The following BLTP1 variants were observed in gnomAD, a reference collection of about 807,000 sequenced individuals.
BLTP1 encodes the protein fragile site-associated protein.
chr4:122,264,043 A>G, the BLTP1 span: 10 of 828,776 alleles, frequency 1.2e-5, no homozygotes, highest in African/African-American at 1.9e-5. Context: ...TAAGGATGAC[A>G]TGTGTTCTGA....
At chr4:122,343,458 G>T in the BLTP1 span, 1 of 1,614,008 alleles carries the variant, frequency 6.2e-7, no homozygotes, top group Non-Finnish European at 8.5e-7. Context: ...CATAGTAGTA[G>T]TCAGTCAGAC....
chr4:122,209,212 T>C, the BLTP1 span: 1 of 1,613,436 alleles, frequency 6.2e-7, no homozygotes, highest in Non-Finnish European at 8.5e-7. Context: ...CTAGTAAATA[T>C]TCTTTATTTA....
At chr4:122,231,749 G>A in the BLTP1 span, 1 of 976,440 alleles carries the variant, frequency 1.0e-6, no homozygotes, top group Non-Finnish European at 1.2e-6. Flanking sequence ...ATTATTCTAG[G>A]TAAGGAGATA....
At chr4:122,203,433 A>G in the BLTP1 span, among the ~76,000 whole-genome samples, 2 of 151,852 alleles carry the variant, frequency 1.3e-5, no homozygotes, top group Non-Finnish European at 1.5e-5. Context: ...TCTAATACCA[A>G]TTGATTGATG....
At chr4:122,299,177 G>T in the BLTP1 span, 473 of 980,888 alleles carry the variant, frequency 4.8e-4, no homozygotes, top group Non-Finnish European at 5.5e-4. Flanking sequence ...AGGACCAAAT[G>T]CTGATAAGGG....
At chr4:122,247,348 G>C in the BLTP1 span, 1 of 1,613,152 alleles carries the variant, frequency 6.2e-7, no homozygotes, top group Middle Eastern at 1.7e-4. Context: ...TAGGGGTCTT[G>C]ATACAACAGG....
At chr4:122,201,495 A>T in the BLTP1 span, among the ~76,000 whole-genome samples, 1 of 152,194 alleles carries the variant, frequency 6.6e-6, no homozygotes, top group Non-Finnish European at 1.5e-5. Context: ...AATACACAAC[A>T]GTATACGCAA....
chr4:122,270,346 A>G, the BLTP1 span: 2 of 984,686 alleles, frequency 2.0e-6, no homozygotes, highest in Non-Finnish European at 2.4e-6. Context: ...AGGGAAAAAT[A>G]CCTTTTTACA....
chr4:122,353,741 C>T, the BLTP1 span: 22 of 1,503,138 alleles, frequency 1.5e-5, no homozygotes, highest in Non-Finnish European at 2.0e-5. The surrounding 1 kb of genome is among the most constrained non-coding windows in gnomAD (Gnocchi z 4.3). Flanking sequence ...ATTTATAGCT[C>T]TGAGGCCACA....
chr4:122,187,541 T>G, the BLTP1 span: 1 of 1,596,422 alleles, frequency 6.3e-7, no homozygotes, highest in East Asian at 2.2e-5. Flanking sequence ...AATTACTGTT[T>G]CATGGGGTAG....
chr4:122,218,518 T>C, the BLTP1 span, among the ~76,000 whole-genome samples: 1 of 152,192 alleles, frequency 6.6e-6, no homozygotes, highest in Non-Finnish European at 1.5e-5. Context: ...TATGTACTGA[T>C]GTCCATAACT....
chr4:122,361,335 C>T, the BLTP1 span, among the ~76,000 whole-genome samples: 21 of 151,958 alleles, frequency 1.4e-4, no homozygotes, highest in Non-Finnish European at 2.5e-4. Context: ...CGGGGAAGGG[C>T]GGGATGGGGG....
the BLTP1 span, chr4:122,307,446 C>T: frequency 1.0e-6 from 1 of 984,540 alleles, no homozygotes; most frequent in East Asian, 1.1e-4. Context: ...TTTAGAGGCC[C>T]CTCCATCTAT....
the BLTP1 span, chr4:122,292,980 T>C: frequency 1.4e-6 from 1 of 726,530 alleles, no homozygotes; most frequent in African/African-American, 1.9e-5. Flanking sequence ...TCTGATGTTT[T>C]TTACTTAGTC....
chr4:122,219,496 C>G, the BLTP1 span: 9 of 1,613,550 alleles, frequency 5.6e-6, no homozygotes, highest in Non-Finnish European at 6.8e-6. Context: ...GTCAATTCAT[C>G]CACTTGCCTT....
At chr4:122,187,522 T>G in the BLTP1 span, 1 of 1,608,310 alleles carries the variant, frequency 6.2e-7, no homozygotes, top group Admixed American at 1.7e-5. Context: ...AGTAAGTAAA[T>G]TCTGCTACAA....
the BLTP1 span, among the ~76,000 whole-genome samples, chr4:122,297,059 A>G: frequency 6.6e-6 from 1 of 152,212 alleles, no homozygotes; most frequent in Non-Finnish European, 1.5e-5. Flanking sequence ...CAAAAGCAAA[A>G]ATTGATAAAT....
chr4:122,239,994 G>A, the BLTP1 span: 1 of 1,614,152 alleles, frequency 6.2e-7, no homozygotes. Flanking sequence ...TCACAGTGTA[G>A]AAGGGCCACT....
the BLTP1 span, chr4:122,251,392 T>G: frequency 1.1e-5 from 10 of 897,010 alleles, no homozygotes; most frequent in Non-Finnish European, 1.3e-5. Flanking sequence ...GGGTATCTAG[T>G]AATCATGGGT....
Sources: gnomAD v4.1 joint callset for allele counts (sites outside exome capture counted in the v4.1 genomes callset) on GRCh38, gnomAD v4.1.1 for gene constraint, Gnocchi (gnomAD v3.1) non-coding constraint, MANE v1.5 for transcripts, NCBI Gene and HGNC (gene_info 2026-07-23, HGNC 2026-07-21) for gene names.